AUTS2: variants seen among roughly 807,000 people sequenced by gnomAD.
The protein encoded by AUTS2 is autism susceptibility gene 2 protein.
In AUTS2, 17 loss-of-function variants were observed where a neutral mutation model predicts 112.4. The ratio of observed to expected loss-of-function variants is 0.15; its 90% confidence interval spans 0.10 to 0.23. The LOEUF is 0.23. Among genes scored for constraint, AUTS2 ranks in the 10% least tolerant of loss-of-function variants. The pLI, the probability that AUTS2 is intolerant of heterozygous loss-of-function variation, is 1.00. For missense variants in AUTS2, 1,510 were observed against 1,701.6 expected (o/e 0.89, Z 1.98); for synonymous variants, 751 against 702.7 (o/e 1.07, Z -1.09).
intron 1 of AUTS2, among the ~76,000 whole-genome samples, chr7:69,837,698 T>C (rs1213874137): frequency 1.3e-5 from 2 of 152,180 alleles, no homozygotes; most frequent in Non-Finnish European, 1.5e-5. Context: ...AGAGGCGTCA[T>C]GTTTGTTAAG....
intron 5 of AUTS2, among the ~76,000 whole-genome samples, chr7:70,477,346 T>C (rs1797621277): frequency 6.6e-6 from 1 of 152,160 alleles, no homozygotes; most frequent in Non-Finnish European, 1.5e-5. Flanking sequence ...CTGCCAAATT[T>C]GCCTACAGTT....
intron 4 of AUTS2, among the ~76,000 whole-genome samples, chr7:70,156,534 CT>C (rs1807771524): frequency 6.6e-6 from 1 of 152,076 alleles, no homozygotes; most frequent in African/African-American, 2.4e-5. Flanking sequence ...GAACTCTCAG[CT>C]AGAACCATCG....
chr7:70,001,710 A>ATT (rs35638538), intron 2 of AUTS2, among the ~76,000 whole-genome samples: 1,894 of 132,788 alleles, frequency 0.014, 51 homozygotes, highest in African/African-American at 0.044. Context: ...TCATTGTCAT[A>ATT]TTTTTTTTTT....
At chr7:69,688,396 G>T (rs572309349) in intron 1 of AUTS2, among the ~76,000 whole-genome samples, 7 of 152,296 alleles carry the variant, frequency 4.6e-5, no homozygotes, top group African/African-American at 1.7e-4. Flanking sequence ...AGTTTATTTT[G>T]TACTTGGAAA....
At chr7:70,609,618 A>T (rs1391653098) in intron 5 of AUTS2, among the ~76,000 whole-genome samples, 1 of 150,754 alleles carries the variant, frequency 6.6e-6, no homozygotes, top group East Asian at 1.9e-4. Flanking sequence ...TAGTAGAGAC[A>T]GGGTTTCACC....
At chr7:69,872,923 A>C (rs937399384) in intron 1 of AUTS2, among the ~76,000 whole-genome samples, 19 of 141,266 alleles carry the variant, frequency 1.3e-4, no homozygotes, top group Non-Finnish European at 2.1e-4. Flanking sequence ...GCTCACTGCA[A>C]CCTTAGCCTG....
intron 4 of AUTS2, among the ~76,000 whole-genome samples, chr7:70,214,458 AAC>A (rs1208013378): frequency 1.3e-5 from 2 of 152,210 alleles, no homozygotes; most frequent in Non-Finnish European, 2.9e-5. Context: ...ACTGATAATA[AAC>A]AGTGTTGCAT....
chr7:70,203,088 G>T (rs913460155), intron 4 of AUTS2, among the ~76,000 whole-genome samples: 66 of 145,934 alleles, frequency 4.5e-4, no homozygotes, highest in African/African-American at 1.6e-3. Context: ...GTAAACTATC[G>T]CAAGAACAAA....
intron 4 of AUTS2, among the ~76,000 whole-genome samples, chr7:70,311,717 T>C (rs1789760593): frequency 6.6e-6 from 1 of 151,406 alleles, no homozygotes. Flanking sequence ...CCACCACACT[T>C]AGCGAATTTT....
At chr7:70,054,981 C>A (rs1801927348) in intron 2 of AUTS2, among the ~76,000 whole-genome samples, 1 of 152,090 alleles carries the variant, frequency 6.6e-6, no homozygotes, top group South Asian at 2.1e-4. Context: ...TAACTTACTT[C>A]CTTTCTGAGA....
chr7:70,053,583 A>C (rs1250027677), intron 2 of AUTS2, among the ~76,000 whole-genome samples: 1 of 134,098 alleles, frequency 7.5e-6, no homozygotes, highest in African/African-American at 3.0e-5. Context: ...TCTGTTTCCC[A>C]GGCTGGAGTG....
At chr7:70,130,685 GA>G (rs34969590) in intron 3 of AUTS2, among the ~76,000 whole-genome samples, 26,768 of 148,348 alleles carry the variant, frequency 0.18, 2,359 homozygotes, top group Middle Eastern at 0.25. Flanking sequence ...GGTCAAATAT[GA>G]AAAAAAAAAA....
At chr7:70,047,816 G>A (rs1213635434) in intron 2 of AUTS2, among the ~76,000 whole-genome samples, 2 of 152,200 alleles carry the variant, frequency 1.3e-5, no homozygotes, top group African/African-American at 4.8e-5. Context: ...GTGCAGAAGT[G>A]TGGGAGGAAA....
intron 1 of AUTS2, among the ~76,000 whole-genome samples, chr7:69,825,104 G>T (rs1006490864): frequency 3.3e-5 from 5 of 152,118 alleles, no homozygotes; most frequent in African/African-American, 1.2e-4. Context: ...TTTCTTTAGC[G>T]TTTACATAGT....
intron 5 of AUTS2, among the ~76,000 whole-genome samples, chr7:70,529,187 C>A (rs976926610): frequency 6.6e-6 from 1 of 152,176 alleles, no homozygotes; most frequent in Non-Finnish European, 1.5e-5. Context: ...AACTACTTTG[C>A]AATTCTCTCC....
chr7:69,916,738 A>G (rs1427440357), intron 2 of AUTS2, among the ~76,000 whole-genome samples: 3 of 151,924 alleles, frequency 2.0e-5, no homozygotes, highest in Non-Finnish European at 4.4e-5. Flanking sequence ...TATCCTATGT[A>G]TTTCTTATCT....
At chr7:70,532,901 A>G (rs1489123703) in intron 5 of AUTS2, among the ~76,000 whole-genome samples, 1 of 152,232 alleles carries the variant, frequency 6.6e-6, no homozygotes, top group African/African-American at 2.4e-5. Context: ...AGTTTAAGAC[A>G]GTGGACACAT....
intron 2 of AUTS2, among the ~76,000 whole-genome samples, chr7:70,084,971 T>A (rs1423794261): frequency 6.6e-6 from 1 of 151,664 alleles, no homozygotes; most frequent in Non-Finnish European, 1.5e-5. Flanking sequence ...CTCCTGGGCT[T>A]CAGCCATCAT....
Position 70,436,023 on chromosome 7 carries a change from T to C in AUTS2, c.690+242T>C, listed in dbSNP as rs1160818740. ...ATTGCATATATGTGACACTGAGTTT[T>C]TACTTTATGGAAGATGACTCATAGA... On this transcript the variant is annotated intron_variant, in intron 5 of 18. Coordinates refer to ENST00000342771, the MANE Select transcript of AUTS2 (RefSeq NM_015570.4). 1.2e-4 allele frequency: 49 copies of C among 400,592 alleles called. No homozygotes were observed. In the East Asian group the frequency reaches 1.7e-3, roughly 14 times the overall value. 24.8% of individuals were successfully genotyped at this position (400,592 alleles called of 1,614,324 possible).
Sources: gnomAD v4.1 joint callset for allele counts (sites outside exome capture counted in the v4.1 genomes callset) on GRCh38, gnomAD v4.1.1 for gene constraint, MANE v1.5 for transcripts, NCBI Gene and HGNC (gene_info 2026-07-23, HGNC 2026-07-21) for gene names.